Variants in CTNND2 observed in about 807,000 individuals in gnomAD.
CTNND2 encodes the protein catenin delta 2.
In CTNND2, 22 loss-of-function variants were observed where a neutral mutation model predicts 144.4. The observed-to-expected ratio is 0.15, with a 90% CI of 0.11 to 0.22. The LOEUF (loss-of-function observed/expected upper bound fraction) is 0.22. Ranked by LOEUF, CTNND2 falls within the 10% of genes least tolerant of loss-of-function variation. The pLI, the probability that CTNND2 is intolerant of heterozygous loss-of-function variation, is 1.00. For missense variants in CTNND2, 1,353 were observed against 1,618.8 expected (o/e 0.84, Z 2.82); for synonymous variants, 751 against 695.6 (o/e 1.08, Z -1.25).
chr5:11,308,520 C>T (rs1055098036), intron 9 of CTNND2, among the ~76,000 whole-genome samples: 1 of 152,236 alleles, frequency 6.6e-6, no homozygotes, highest in Non-Finnish European at 1.5e-5. Context: ...GCTTGCCAAT[C>T]CTGATTTGGG....
intron 10 of CTNND2, among the ~76,000 whole-genome samples, chr5:11,200,118 T>A (rs186853402): frequency 6.6e-5 from 10 of 152,234 alleles, no homozygotes; most frequent in Admixed American, 6.5e-4. Flanking sequence ...TTCAAAGGAA[T>A]CAGAAGCGAA....
intron 3 of CTNND2, among the ~76,000 whole-genome samples, chr5:11,450,485 G>A (rs985981087): frequency 6.6e-6 from 1 of 152,194 alleles, no homozygotes; most frequent in Non-Finnish European, 1.5e-5. Flanking sequence ...GGGGAAGTGA[G>A]GCCAGCAGAT....
intron 1 of CTNND2, among the ~76,000 whole-genome samples, chr5:11,780,473 A>G (rs1790486910): frequency 2.0e-5 from 3 of 152,154 alleles, no homozygotes; most frequent in African/African-American, 7.2e-5. Flanking sequence ...CTTTGCCCAC[A>G]GCCACCTCAC....
chr5:11,392,855 C>A (rs1233670093), intron 6 of CTNND2, among the ~76,000 whole-genome samples: 3 of 152,214 alleles, frequency 2.0e-5, no homozygotes, highest in Non-Finnish European at 2.9e-5. Flanking sequence ...CTTTTCTCTG[C>A]AGGTTTTACC....
chr5:11,681,077 A>G (rs903854877), intron 2 of CTNND2, among the ~76,000 whole-genome samples: 14 of 152,216 alleles, frequency 9.2e-5, no homozygotes, highest in African/African-American at 3.1e-4. Flanking sequence ...CAGGAAGGAC[A>G]GAATGAGATG....
At chr5:11,509,506 A>C (rs1009150170) in intron 3 of CTNND2, among the ~76,000 whole-genome samples, 1 of 152,210 alleles carries the variant, frequency 6.6e-6, no homozygotes, top group Non-Finnish European at 1.5e-5. Flanking sequence ...AAAGGAAAGT[A>C]GGAGGGTTAA....
At chr5:11,071,428 T>C (rs1748278581) in intron 16 of CTNND2, among the ~76,000 whole-genome samples, 1 of 152,088 alleles carries the variant, frequency 6.6e-6, no homozygotes. Flanking sequence ...TAATCCCAGA[T>C]ACCCAGGTGC....
rs998941412 is a variant in CTNND2, at chr5:11,255,703, C to T, written c.1629-18880G>A. Among the ~76,000 whole-genome samples, 3 of 152,022 alleles carry T rather than the reference C, an allele frequency of 2.0e-5. No individual in the cohort carries two copies. The South Asian group carries it at 6.2e-4, about 32-fold the overall frequency. On this transcript the variant is annotated intron_variant, in intron 9 of 21. Coordinates refer to ENST00000304623, the MANE Select transcript of CTNND2 (RefSeq NM_001332.4). ...TTTATCAGGTCTGTTTCTTCAGTAA[C>T]TGTTGGGGAAAAAATAGTGGGAATA...
intron 12 of CTNND2, among the ~76,000 whole-genome samples, chr5:11,120,326 G>T (rs201605966): frequency 2.1e-5 from 3 of 141,518 alleles, no homozygotes; most frequent in Non-Finnish European, 4.7e-5. Context: ...GTCTGAAGGG[G>T]TGATGAGGCT....
At chr5:11,763,115 T>G (rs1185115766) in intron 1 of CTNND2, among the ~76,000 whole-genome samples, 2 of 152,170 alleles carry the variant, frequency 1.3e-5, no homozygotes, top group Non-Finnish European at 2.9e-5. Context: ...ACTCTCTCTC[T>G]CCTGCTGGCC....
chr5:11,274,587 T>C (rs1333490718), intron 9 of CTNND2, among the ~76,000 whole-genome samples: 1 of 151,912 alleles, frequency 6.6e-6, no homozygotes, highest in Non-Finnish European at 1.5e-5. Context: ...TCGTTTTTTT[T>C]TTTTTTAAAA....
At chr5:11,411,340 G>A (rs1761514459) in intron 5 of CTNND2, among the ~76,000 whole-genome samples, 196 bp downstream of exon 5, 1 of 152,250 alleles carries the variant, frequency 6.6e-6, no homozygotes, top group East Asian at 1.9e-4. Context: ...ACTTAAAAGA[G>A]TTTATACTCT....
intron 1 of CTNND2, among the ~76,000 whole-genome samples, chr5:11,865,021 A>C (rs368229895): frequency 2.7e-5 from 4 of 149,716 alleles, no homozygotes; most frequent in East Asian, 2.0e-4. Flanking sequence ...TCAGCCTCTC[A>C]AGTAGCTGGG....
intron 3 of CTNND2, among the ~76,000 whole-genome samples, chr5:11,426,876 T>A (rs972766807): frequency 2.6e-5 from 4 of 152,192 alleles, no homozygotes; most frequent in Non-Finnish European, 4.4e-5. Flanking sequence ...TTTGCTTTAA[T>A]TCATTTCTAA....
chr5:11,109,623 C>T (rs947731171), intron 14 of CTNND2, among the ~76,000 whole-genome samples: 10 of 152,298 alleles, frequency 6.6e-5, no homozygotes, highest in African/African-American at 2.4e-4. Context: ...GATAACCTTT[C>T]ATTTTACATA....
rs1491537465 is a variant in CTNND2, at chr5:11,101,885, A to ATGTGTGTGTGTGTGTG, written c.2464-3138_2464-3137insCACACACACACACACA. 6.5e-3 allele frequency among the ~76,000 whole-genome samples: 579 copies of ATGTGTGTGTGTGTGTG among 89,646 alleles called. 5 individuals carry two copies. The highest frequency in any genetic ancestry group is 0.026 in the African/African-American group (563 of 21,658). 58.8% of individuals were successfully genotyped at this position (89,646 alleles called of 152,430 possible). A position where few individuals can be genotyped will look rare whatever the true frequency, so the allele number is the denominator to read the frequency against. On this transcript the variant is annotated intron_variant, in intron 14 of 21. Coordinates refer to ENST00000304623, the MANE Select transcript of CTNND2 (RefSeq NM_001332.4). The stretch of plus-strand genomic sequence containing the variant: ...ATTATGTTATCTGCATGACGACCAC[A>ATGTGTGTGTGTGTGTG]TATGTGTGTGTGTGTGTGTGTGTGT...
chr5:11,231,928 C>T (rs111263710), intron 10 of CTNND2, among the ~76,000 whole-genome samples: 4,745 of 152,284 alleles, frequency 0.031, 116 homozygotes, highest in African/African-American at 0.061. Context: ...GACATGGTGC[C>T]CTGCGTCCCA....
chr5:11,366,690 AAAC>A (rs1465799957), intron 7 of CTNND2, among the ~76,000 whole-genome samples: 5 of 152,160 alleles, frequency 3.3e-5, no homozygotes, highest in Non-Finnish European at 7.3e-5. Context: ...TAAAAAAAAA[AAAC>A]AGTCATCACA....
intron 17 of CTNND2, among the ~76,000 whole-genome samples, chr5:11,021,981 G>A (rs545099104): frequency 5.9e-5 from 9 of 152,150 alleles, no homozygotes; most frequent in Non-Finnish European, 1.0e-4. Context: ...CTGATATACC[G>A]ATGCGCTGGC....
Sources: allele counts gnomAD v4.1 joint callset (sites outside exome capture counted in the v4.1 genomes callset), GRCh38; gene constraint gnomAD v4.1.1; transcripts MANE v1.5; gene names NCBI Gene and HGNC (gene_info 2026-07-23, HGNC 2026-07-21).